The following SPAG16 variants were observed in gnomAD, a reference collection of about 807,000 sequenced individuals.
SPAG16 encodes sperm associated antigen 16, also known as sperm-associated antigen 16 protein.
SPAG16 carries 86 observed loss-of-function variants against 80.4 expected under a neutral mutation model. The ratio of observed to expected loss-of-function variants is 1.07; its 90% confidence interval spans 0.90 to 1.28. The LOEUF (loss-of-function observed/expected upper bound fraction) is 1.28. Ranked by LOEUF, SPAG16 falls within the 50% of genes most tolerant of loss-of-function variation. The pLI is 0.00. For missense variants in SPAG16, 870 were observed against 765.3 expected (o/e 1.14, Z -1.61); for synonymous variants, 294 against 265.9 (o/e 1.11, Z -1.03).
At chr2:213,919,807 T>C (rs1206588298) in intron 11 of SPAG16, among the ~76,000 whole-genome samples, 2 of 152,184 alleles carry the variant, frequency 1.3e-5, no homozygotes, top group East Asian at 3.9e-4. Context: ...ATCTATCAGG[T>C]CCTTTTGATC....
chr2:213,879,527 T>C lies in SPAG16; in HGVS notation c.1214+16899T>C, dbSNP rs1270030551. Among the ~76,000 whole-genome samples, 4 of 152,036 alleles carry C rather than the reference T, an allele frequency of 2.6e-5. No individual in the cohort carries two copies. The East Asian group carries it at 7.7e-4, about 29-fold the overall frequency. On this transcript the variant is annotated intron_variant, in intron 11 of 15. Coordinates refer to ENST00000331683, the MANE Select transcript of SPAG16 (RefSeq NM_024532.5). ...CTGATTTATTTTTAATTTCAGCTTT[T>C]ATTTTATACATAGGGAGTACATGTG... is the stretch of plus-strand genomic sequence containing the variant.
At chr2:213,411,104 G>A (rs2068942491) in intron 9 of SPAG16, among the ~76,000 whole-genome samples, 1 of 152,158 alleles carries the variant, frequency 6.6e-6, no homozygotes, top group Admixed American at 6.5e-5. Context: ...GACCTTTACT[G>A]GACACTCTGC....
intron 8 of SPAG16, among the ~76,000 whole-genome samples, chr2:213,374,773 C>G (rs2125201292): frequency 6.6e-6 from 1 of 152,142 alleles, no homozygotes; most frequent in Middle Eastern, 3.4e-3. Flanking sequence ...CATAACTGTG[C>G]TCTGTAACTG....
chr2:214,384,890 G>C (rs1700660812), intron 15 of SPAG16, among the ~76,000 whole-genome samples: 1 of 152,134 alleles, frequency 6.6e-6, no homozygotes, highest in Non-Finnish European at 1.5e-5. Context: ...CCTGAGTCAA[G>C]TTGAATTCCT....
intron 10 of SPAG16, among the ~76,000 whole-genome samples, chr2:213,530,328 G>A (rs916239629): frequency 6.6e-6 from 1 of 152,158 alleles, no homozygotes; most frequent in African/African-American, 2.4e-5. Flanking sequence ...GCATTGTGCT[G>A]TGACATTGTG....
rs532425644 is a variant in SPAG16, at chr2:213,401,462, C to T, written c.942+26343C>T. 5.5e-4 allele frequency among the ~76,000 whole-genome samples: 83 copies of T among 152,288 alleles called. 1 individual carries two copies. The highest frequency in any genetic ancestry group is 1.9e-3 in the African/African-American group (78 of 41,556). Reference sequence around the variant, plus strand: ...CTTATTGTTTCTTTGGTATAAAACTCAAGAACTGGTGATCTTGGATTAAAG... The same window carrying T: ...CTTATTGTTTCTTTGGTATAAAACTTAAGAACTGGTGATCTTGGATTAAAG... On this transcript the variant is annotated intron_variant, in intron 9 of 15. Coordinates refer to ENST00000331683, the MANE Select transcript of SPAG16 (RefSeq NM_024532.5).
chr2:214,271,900 A>G (rs1692054122), intron 15 of SPAG16, among the ~76,000 whole-genome samples: 1 of 147,396 alleles, frequency 6.8e-6, no homozygotes. Context: ...CTGTTTTTAT[A>G]GGAATGTCAT....
At chr2:213,387,305 A>G (rs2067475874) in intron 9 of SPAG16, among the ~76,000 whole-genome samples, 1 of 151,586 alleles carries the variant, frequency 6.6e-6, no homozygotes, top group Non-Finnish European at 1.5e-5. Flanking sequence ...AAAAAGCACT[A>G]TTATTAAAAG....
intron 9 of SPAG16, among the ~76,000 whole-genome samples, chr2:213,455,644 G>A (rs1201636192): frequency 6.6e-6 from 1 of 152,124 alleles, no homozygotes; most frequent in Non-Finnish European, 1.5e-5. Context: ...AGATCATCAG[G>A]CATTAGAATC....
At position 214,349,216 on chromosome 2, in the gene SPAG16, C is replaced by T. The variant is rs147868787; in HGVS notation, c.1721-60924C>T. 7.1e-3 allele frequency among the ~76,000 whole-genome samples: 1,081 copies of T among 152,200 alleles called. 10 individuals are homozygous for T. The highest frequency in any genetic ancestry group is 0.025 in the African/African-American group (1,042 of 41,538). On this transcript the variant is annotated intron_variant, in intron 15 of 15. Transcript: ENST00000331683. ...AATCCTTGAATTCCCTTACCATTTC[C>T]TGACAAAAAGAACAAATAAAATGTG... is the stretch of plus-strand genomic sequence containing the variant.
chr2:214,378,994 G>A (rs968348825), intron 15 of SPAG16, among the ~76,000 whole-genome samples: 10 of 152,244 alleles, frequency 6.6e-5, no homozygotes, highest in Middle Eastern at 3.4e-3. Context: ...GAATGGCAAC[G>A]TGCCCAGCAC....
intron 13 of SPAG16, among the ~76,000 whole-genome samples, chr2:214,079,931 A>G (rs926167280): frequency 6.6e-6 from 1 of 152,214 alleles, no homozygotes; most frequent in Non-Finnish European, 1.5e-5. Flanking sequence ...GGGTAGATGA[A>G]GGAATGTGGA....
chr2:213,308,600 A>G (rs976650270), intron 3 of SPAG16, among the ~76,000 whole-genome samples: 1 of 152,194 alleles, frequency 6.6e-6, no homozygotes, highest in Non-Finnish European at 1.5e-5. Flanking sequence ...ATATAGGCAG[A>G]AACAGAAGTT....
intron 15 of SPAG16, among the ~76,000 whole-genome samples, chr2:214,300,687 A>C (rs1174503280): frequency 1.3e-5 from 2 of 152,140 alleles, no homozygotes; most frequent in Non-Finnish European, 2.9e-5. Context: ...TAACATAACT[A>C]AGACATTTAA....
At chr2:213,722,136 A>G (rs186094047) in intron 10 of SPAG16, among the ~76,000 whole-genome samples, 21 of 152,332 alleles carry the variant, frequency 1.4e-4, no homozygotes, top group African/African-American at 4.6e-4. Context: ...CTCATAGAAA[A>G]ACAACTACTT....
intron 12 of SPAG16, among the ~76,000 whole-genome samples, chr2:213,943,268 G>A (rs2079288416): frequency 6.6e-6 from 1 of 152,184 alleles, no homozygotes; most frequent in African/African-American, 2.4e-5. Context: ...TAGGTAATGG[G>A]TAGAGTCTGG....
intron 11 of SPAG16, among the ~76,000 whole-genome samples, chr2:213,899,777 G>A (rs1266688096): frequency 2.0e-5 from 3 of 152,024 alleles, no homozygotes; most frequent in Non-Finnish European, 4.4e-5. Flanking sequence ...GAAAAAATCT[G>A]AGCCTTAATA....
intron 15 of SPAG16, among the ~76,000 whole-genome samples, chr2:214,245,236 A>T (rs1411169655): frequency 6.6e-6 from 1 of 152,150 alleles, no homozygotes; most frequent in Admixed American, 6.6e-5. Flanking sequence ...ATTTATGTAG[A>T]TGCTTTTAAT....
chr2:214,355,729 T>C (rs1408140900), intron 15 of SPAG16, among the ~76,000 whole-genome samples: 4 of 151,842 alleles, frequency 2.6e-5, no homozygotes, highest in Non-Finnish European at 5.9e-5. Flanking sequence ...CACACGTATG[T>C]TTATTGCGGC....
Sources: gnomAD v4.1 joint callset for allele counts (sites outside exome capture counted in the v4.1 genomes callset) on GRCh38, gnomAD v4.1.1 for gene constraint, MANE v1.5 for transcripts, NCBI Gene and HGNC (gene_info 2026-07-23, HGNC 2026-07-21) for gene names.